Variants in DSTYK observed in about 807,000 individuals in gnomAD.
The protein encoded by DSTYK is RIP-homologous kinase.
Under a neutral mutation model 98.7 loss-of-function variants are expected in DSTYK, and 34 were observed. The observed-to-expected ratio is 0.34, with a 90% CI of 0.26 to 0.46. DSTYK has a LOEUF of 0.46. Among genes scored for constraint, DSTYK ranks in the 20% least tolerant of loss-of-function variants. The probability of loss-of-function intolerance (pLI) is 1.00; values close to 1 mark genes in which losing one functional copy is unlikely to be tolerated. For missense variants in DSTYK, 962 were observed against 1,181.7 expected, an observed-to-expected ratio of 0.81 and a Z score of 2.73; for synonymous variants, 462 against 457.3, an observed-to-expected ratio of 1.01 and a Z score of -0.13.
chr1:205,169,878 C>G lies in DSTYK; in HGVS notation c.655-46G>C. 1.3e-6 allele frequency: 2 copies of G among 1,529,998 alleles called. No individual in the cohort carries two copies. The highest frequency in any genetic ancestry group is 1.8e-6 in the Non-Finnish European group (2 of 1,140,644). 94.8% of individuals were successfully genotyped at this position (1,529,998 alleles called of 1,614,324 possible). ...TATATCAGCGCCTCAGGGTCAGAACCAATCCCTGTCTCCCCAAAGTCCCAC... is the reference window on the plus strand; with the variant it reads ...TATATCAGCGCCTCAGGGTCAGAACGAATCCCTGTCTCCCCAAAGTCCCAC... On this transcript the variant is annotated intron_variant, in intron 2 of 12. Coordinates refer to ENST00000367162, the MANE Select transcript of DSTYK (RefSeq NM_015375.3). The surrounding 1 kb of genome is among the most constrained non-coding windows in gnomAD (Gnocchi z 4.0).
intron 3 of DSTYK, among the ~76,000 whole-genome samples, chr1:205,167,817 C>T (rs780113147): frequency 6.6e-6 from 1 of 152,172 alleles, no homozygotes; most frequent in Non-Finnish European, 1.5e-5. Context: ...GTATCGAATA[C>T]GTAAGAAGAT....
At chr1:205,180,448 CT>C (rs947364638) in intron 2 of DSTYK, among the ~76,000 whole-genome samples, 1 of 152,062 alleles carries the variant, frequency 6.6e-6, no homozygotes, top group African/African-American at 2.4e-5. Context: ...TGAACTCATT[CT>C]TTTTTATGGC....
At chr1:205,198,319 C>A (rs1450823028) in intron 1 of DSTYK, among the ~76,000 whole-genome samples, 1 of 152,164 alleles carries the variant, frequency 6.6e-6, no homozygotes, top group African/African-American at 2.4e-5. Flanking sequence ...ACACTAACTA[C>A]TTTTATCCTA....
At chr1:205,206,448 T>C (rs1659205374) in intron 1 of DSTYK, among the ~76,000 whole-genome samples, 1 of 150,168 alleles carries the variant, frequency 6.7e-6, no homozygotes, top group African/African-American at 2.5e-5. Context: ...CCCGGCTAAT[T>C]TTGTATTTTT....
Position 205,202,625 on chromosome 1 carries a change from T to C in DSTYK, c.265+8646A>G, listed in dbSNP as rs112287698. The C allele has an allele frequency of 9.6e-5, 113 of 1,181,280 alleles. 1 individual carries two copies. The highest frequency in any genetic ancestry group is 1.8e-4 in the African/African-American group (12 of 67,102). The allele number at this position is 1,181,280 out of a possible 1,614,324, so 73.2% of individuals were successfully genotyped here. On this transcript the variant is annotated intron_variant, in intron 1 of 12. Coordinates refer to ENST00000367162, the MANE Select transcript of DSTYK (RefSeq NM_015375.3). The stretch of plus-strand genomic sequence containing the variant: ...CCATACGTGAGCTCTCTCTGCCACA[T>C]TGAGATGATCCTTACTGAAAAGGAA...
chr1:205,181,594 A>T (rs1658397491), intron 2 of DSTYK, among the ~76,000 whole-genome samples: 1 of 151,464 alleles, frequency 6.6e-6, no homozygotes. Flanking sequence ...ACCTCAGGCG[A>T]TCAGCCCACC....
chr1:205,202,747 C>A (rs1574802117), intron 1 of DSTYK: 2 of 723,320 alleles, frequency 2.8e-6, no homozygotes, highest in East Asian at 2.5e-5. Flanking sequence ...GGAGTAAATT[C>A]AGCTTTAAAG....
intron 2 of DSTYK, among the ~76,000 whole-genome samples, chr1:205,183,384 C>T (rs1321530561): frequency 1.3e-5 from 2 of 152,158 alleles, no homozygotes; most frequent in Non-Finnish European, 2.9e-5. Flanking sequence ...CTGAGAATCT[C>T]AGGGGATCCA....
rs553765020 is a variant in DSTYK at position 205,198,483 on chromosome 1, T to C, written c.266-10677A>G. ...TATATACTAAAAAATAAGAATGACT[T>C]TTCTTTACTAGCTATATTCCCCCAC... On this transcript the variant is annotated intron_variant, in intron 1 of 12. Coordinates refer to ENST00000367162, the MANE Select transcript of DSTYK (RefSeq NM_015375.3). Among the ~76,000 whole-genome samples the C allele has an allele frequency of 2.0e-5, 3 of 152,282 alleles. No homozygotes were observed. In the East Asian group the frequency reaches 5.8e-4, roughly 29 times the overall value.
intron 5 of DSTYK, 31 bp downstream of exon 5, chr1:205,162,892 T>C (rs369986498): frequency 2.6e-5 from 41 of 1,552,496 alleles, no homozygotes; most frequent in Non-Finnish European, 3.2e-5. Context: ...ACTAGGGGCT[T>C]TGAAATCTTT....
chr1:205,186,003 A>G (rs1270201014), intron 2 of DSTYK, among the ~76,000 whole-genome samples: 1 of 152,236 alleles, frequency 6.6e-6, no homozygotes, highest in African/African-American at 2.4e-5. Flanking sequence ...TGCCTGGGCA[A>G]CAGAGAGAGA....
At chr1:205,161,484 A>ATT in intron 6 of DSTYK, 97 bp from the exon 7 acceptor site, 1 of 1,241,538 alleles carries the variant, frequency 8.1e-7, no homozygotes, top group Non-Finnish European at 1.1e-6. Context: ...TCATATAGAT[A>ATT]ATTGTGAGAA....
At chr1:205,149,030 G>A (rs1657327575) in intron 11 of DSTYK, among the ~76,000 whole-genome samples, 1 of 151,628 alleles carries the variant, frequency 6.6e-6, no homozygotes, top group South Asian at 2.1e-4. Flanking sequence ...AGCCTCCCGA[G>A]TAGCTGGGAT....
At chr1:205,148,393 AT>A (rs1657307427) in intron 11 of DSTYK, 54 bp from the exon 12 acceptor site, 1 of 1,604,856 alleles carries the variant, frequency 6.2e-7, no homozygotes, top group East Asian at 2.2e-5. Flanking sequence ...AGGCAGCAGC[AT>A]CTACACCACC....
intron 1 of DSTYK, among the ~76,000 whole-genome samples, chr1:205,206,530 C>G (rs923990679): frequency 6.6e-6 from 1 of 151,304 alleles, no homozygotes; most frequent in Non-Finnish European, 1.5e-5. Context: ...CCACCCGCCT[C>G]AGCCTGCCAA....
Position 205,150,600 on chromosome 1 carries a change from T to C in DSTYK, c.2467+80A>G. ...GTGCCAGACCTGCCAGTAGTGATTGTGGAAACGAGCTCAAGGGGTAGCACT... is the reference window on the plus strand; with the variant it reads ...GTGCCAGACCTGCCAGTAGTGATTGCGGAAACGAGCTCAAGGGGTAGCACT... On this transcript the variant is annotated intron_variant, in intron 11 of 12. Transcript: ENST00000367162. The surrounding 1 kb of genome is among the most constrained non-coding windows in gnomAD (Gnocchi z 4.1). The C allele has an allele frequency of 1.7e-6, 2 of 1,167,448 alleles. No individual in the cohort carries two copies. Among genetic ancestry groups the C allele is most frequent in the Non-Finnish European group, 2.5e-6 (2 of 796,348 alleles). The allele number at this position is 1,167,448 out of a possible 1,614,324, so 72.3% of individuals were successfully genotyped here. A position where few individuals can be genotyped will look rare whatever the true frequency, so the allele number is the denominator to read the frequency against.
At chr1:205,202,257 C>T (rs1289602437) in intron 1 of DSTYK, 1 of 611,034 alleles carries the variant, frequency 1.6e-6, no homozygotes, top group South Asian at 1.4e-5. Context: ...TTCAAATCTT[C>T]GTGTTCACTT....
intron 3 of DSTYK, among the ~76,000 whole-genome samples, chr1:205,168,200 G>T (rs1334634781): frequency 6.6e-6 from 1 of 152,214 alleles, no homozygotes; most frequent in Non-Finnish European, 1.5e-5. Flanking sequence ...GTACCAGGAA[G>T]AAGGTGGCAT....
chr1:205,181,979 T>C (rs531620708), intron 2 of DSTYK, among the ~76,000 whole-genome samples: 1 of 152,200 alleles, frequency 6.6e-6, no homozygotes, highest in African/African-American at 2.4e-5. Flanking sequence ...TAAAATTTTA[T>C]GTAAACTTGT....
Sources: allele counts gnomAD v4.1 joint callset (sites outside exome capture counted in the v4.1 genomes callset), GRCh38; gene constraint gnomAD v4.1.1; non-coding constraint Gnocchi (gnomAD v3.1); transcripts MANE v1.5; gene names NCBI Gene and HGNC (gene_info 2026-07-23, HGNC 2026-07-21).